The following ELF4 variants were observed in gnomAD, a reference collection of about 807,000 sequenced individuals.
The protein encoded by ELF4 is E74 like ETS transcription factor 4, also known as ETS-related transcription factor Elf-4.
ELF4 carries 10 observed loss-of-function variants against 31.7 expected under a neutral mutation model. The observed-to-expected ratio is 0.32, with a 90% CI of 0.19 to 0.54. ELF4 has a LOEUF of 0.54. ELF4 is among the 20% of genes least tolerant of loss of function. The probability of loss-of-function intolerance (pLI) is 0.95; values close to 1 mark genes in which losing one functional copy is unlikely to be tolerated. For synonymous variants in ELF4, 208 were observed against 226.7 expected, an observed-to-expected ratio of 0.92 and a Z score of 0.74; for missense variants, 418 against 522.0, an observed-to-expected ratio of 0.80 and a Z score of 1.94.
intron 4 of ELF4, among the ~76,000 whole-genome samples, chrX:130,073,063 A>G (rs1470827626): frequency 1.8e-5 from 2 of 111,728 alleles, no homozygotes; most frequent in African/African-American, 3.3e-5. Flanking sequence ...GCCTGGTAGG[A>G]TGGGCAAGGA....
chrX:130,104,302 AC>A (rs1268914443), intron 1 of ELF4, among the ~76,000 whole-genome samples: 3 of 109,067 alleles, frequency 2.8e-5, no homozygotes, highest in African/African-American at 1.0e-4. Context: ...ACACACACAC[AC>A]ACACACACAC....
chrX:130,079,729 G>A (rs1353846999), intron 2 of ELF4, among the ~76,000 whole-genome samples: 1 of 111,263 alleles, frequency 9.0e-6, no homozygotes, highest in Non-Finnish European at 1.9e-5. Context: ...GAGGGTGGAG[G>A]GATAGGTTGG....
At chrX:130,101,266 A>G (rs1410342027) in intron 1 of ELF4, among the ~76,000 whole-genome samples, 1 of 112,573 alleles carries the variant, frequency 8.9e-6, no homozygotes, top group Non-Finnish European at 1.9e-5. Flanking sequence ...TTCTGGACAG[A>G]CAAGGCTGAG....
chrX:130,110,247 C>T (rs1933455745), intron 1 of ELF4, 78 bp downstream of exon 1: 1 of 110,435 alleles, frequency 9.1e-6, no homozygotes, highest in African/African-American at 3.3e-5. Context: ...ACGCCGGGGC[C>T]CCGGCGCTCT....
intron 1 of ELF4, among the ~76,000 whole-genome samples, chrX:130,085,897 T>C (rs758476756): frequency 5.4e-5 from 6 of 112,132 alleles, no homozygotes; most frequent in Admixed American, 9.5e-5. Flanking sequence ...CAGCCCGTCC[T>C]CAGGCGAATA....
chrX:130,070,909 A>C, intron 7 of ELF4, 131 bp downstream of exon 7: 2 of 952,978 alleles, frequency 2.1e-6, no homozygotes, highest in East Asian at 6.1e-5. Context: ...GAGCAAGCTA[A>C]GAGGAAAGTT....
chrX:130,080,577 G>A (rs1041680036), intron 2 of ELF4, among the ~76,000 whole-genome samples: 1 of 110,975 alleles, frequency 9.0e-6, no homozygotes, highest in Non-Finnish European at 1.9e-5. Flanking sequence ...ATGGAAGAAG[G>A]AGAATGGAGG....
At chrX:130,073,959 C>CACAGGTAT in intron 4 of ELF4, 90 bp downstream of exon 4, 1 of 966,185 alleles carries the variant, frequency 1.0e-6, no homozygotes, top group Non-Finnish European at 1.5e-6. Flanking sequence ...CCTGTGTGCA[C>CACAGGTAT]ACATGCCTGA....
chrX:130,101,382 C>T (rs1431877874), intron 1 of ELF4, among the ~76,000 whole-genome samples: 1 of 112,350 alleles, frequency 8.9e-6, no homozygotes, highest in Non-Finnish European at 1.9e-5. Context: ...ATAAGTAGTC[C>T]TATTTTACAA....
chrX:130,082,986 G>A (rs1932906261), intron 1 of ELF4, among the ~76,000 whole-genome samples: 1 of 110,220 alleles, frequency 9.1e-6, no homozygotes, highest in Non-Finnish European at 1.9e-5. Context: ...AAAGGGAGGG[G>A]GACCACGGTG....
intron 1 of ELF4, among the ~76,000 whole-genome samples, chrX:130,098,697 A>G (rs146405068): frequency 0.013 from 1,500 of 112,548 alleles, 17 homozygotes; most frequent in Non-Finnish European, 0.022. Flanking sequence ...AGAAGGGCCT[A>G]GATTTTTCCA....
Position 130,065,283 on chromosome X carries a change from G to T in ELF4, c.*1438C>A, listed in dbSNP as rs914473137. 5.7e-5 allele frequency: 10 copies of T among 174,243 alleles called. No homozygotes were observed. Among genetic ancestry groups the T allele is most frequent in the Admixed American group, 4.0e-4 (5 of 12,595 alleles). The allele number at this position is 174,243 out of a possible 1,213,427, so 14.4% of individuals were successfully genotyped here. On this transcript the variant is annotated 3_prime_UTR_variant, in exon 9 of 9. Coordinates refer to ENST00000308167, the MANE Select transcript of ELF4 (RefSeq NM_001421.4). ...GGCAAGCTCGTTTAAAGAAGGGAGA[G>T]GGGAGGAGATCCAGGCAATTGGCCT...
chrX:130,074,747 T>A lies in ELF4; in HGVS notation c.81A>T (p.Glu27Asp). The A allele has an allele frequency of 8.3e-7, 1 of 1,211,450 alleles. No individual in the cohort carries two copies. The highest frequency in any genetic ancestry group is 3.0e-5 in the East Asian group (1 of 33,832). The change falls in exon 3 of 9, where the codon GAA (glutamate) becomes GAT (aspartate). Residue 27 changes from glutamate to aspartate, a missense_variant. Physicochemically the swap from Glu to Asp is conservative, Grantham distance 45 (BLOSUM62 2). Transcript: ENST00000308167. ...NGMDDDIHQL[E>D]DPSVFPAVIV... ...TCACAGCTGGGAACACAGAGGGGTCTTCCAGCTATGGAGAAGACAGGGATG... is the reference window on the plus strand; with the variant it reads ...TCACAGCTGGGAACACAGAGGGGTCATCCAGCTATGGAGAAGACAGGGATG...
intron 1 of ELF4, among the ~76,000 whole-genome samples, chrX:130,097,210 G>A (rs1933165650): frequency 9.2e-6 from 1 of 108,624 alleles, no homozygotes; most frequent in Non-Finnish European, 1.9e-5. Flanking sequence ...GGCTGAGGCA[G>A]GCAGATCACC....
Position 130,074,720 on chromosome X carries a change from G to A in ELF4, c.108C>T (p.Ile36=), listed in dbSNP as rs756620176. 5.0e-6 allele frequency: 6 copies of A among 1,211,387 alleles called. No homozygotes were observed. The highest frequency in any genetic ancestry group is 3.5e-5 in the African/African-American group (2 of 57,632). The part of the protein sequence containing the change: ...LEDPSVFPAV[I]VEQVPYPDLL... ...AATCAGGGTAGGGTACCTGCTCCAC[G>A]ATCACAGCTGGGAACACAGAGGGGT... Residue 36 remains isoleucine (I), a synonymous_variant, in exon 3 of 9, where the codon ATC becomes ATT. Coordinates refer to ENST00000308167, the MANE Select transcript of ELF4 (RefSeq NM_001421.4).
At chrX:130,090,667 A>C (rs1933042376) in intron 1 of ELF4, among the ~76,000 whole-genome samples, 1 of 112,282 alleles carries the variant, frequency 8.9e-6, no homozygotes, top group African/African-American at 3.2e-5. Flanking sequence ...CTTAGACCAA[A>C]GCAGGGGTTC....
rs73569847 is a variant in ELF4, at chrX:130,064,673, G to C, written c.*2048C>G. On this transcript the variant is annotated 3_prime_UTR_variant, in exon 9 of 9. Transcript: ENST00000308167. ...GTAGGTGAAGAACCAGCCCCGGAAA[G>C]GGTGATGGGGGATGCAGGAGAGCCC... Among the ~76,000 whole-genome samples, 7,910 of 111,305 alleles carry C rather than the reference G, an allele frequency of 0.071. 711 individuals carry two copies. Among genetic ancestry groups the C allele is most frequent in the African/African-American group, 0.25 (7,455 of 30,425 alleles).
At position 130,066,751 on chromosome X, in the gene ELF4, G is replaced by A; in HGVS notation, c.1962C>T (p.Ser654=). Residue 654 remains serine, a synonymous_variant, in exon 9 of 9, where the codon TCC becomes TCT. Coordinates refer to ENST00000308167, the MANE Select transcript of ELF4 (RefSeq NM_001421.4). ...PAPFSPFNPT[S]LIKMEPHDI is the part of the protein sequence containing the mutation. ...TGTCATGGGGCTCCATCTTAATGAG[G>A]GAAGTAGGGTTGAATGGGGAGAAAG... 8.3e-7 allele frequency: 1 copy of A among 1,210,575 alleles called. No individual in the cohort carries two copies.
intron 1 of ELF4, among the ~76,000 whole-genome samples, chrX:130,086,258 C>G (rs375043139): frequency 8.9e-6 from 1 of 112,232 alleles, no homozygotes; most frequent in Non-Finnish European, 1.9e-5. Context: ...TTTCTCTGTG[C>G]TTATTTACAA....
Sources: gnomAD v4.1 joint callset for allele counts (sites outside exome capture counted in the v4.1 genomes callset) on GRCh38, gnomAD v4.1.1 for gene constraint, MANE v1.5 for transcripts, NCBI Gene and HGNC (gene_info 2026-07-23, HGNC 2026-07-21) for gene names.